Variants in RFX2 observed in about 807,000 individuals in gnomAD.
RFX2 encodes DNA-binding protein RFX2.
Under a neutral mutation model 87.8 loss-of-function variants are expected in RFX2, and 20 were observed. The observed-to-expected ratio is 0.23, with a 90% confidence interval of 0.16 to 0.33. The LOEUF (loss-of-function observed/expected upper bound fraction) is 0.33. Ranked by LOEUF, RFX2 falls within the 10% of genes least tolerant of loss-of-function variation. The pLI is 1.00. For missense variants in RFX2, 767 were observed against 1,012.3 expected (o/e 0.76, Z 3.29); for synonymous variants, 397 against 431.3 (o/e 0.92, Z 0.98).
chr19:6,061,598 A>T lies in RFX2; in HGVS notation c.-8-14094T>A, dbSNP rs1437821315. On this transcript the variant is annotated intron_variant, in intron 1 of 17. Coordinates refer to ENST00000303657, the MANE Select transcript of RFX2 (RefSeq NM_000635.4). This position sits in a 1 kb window ranked among gnomAD's most constrained non-coding sequence, Gnocchi z 5.2. ...TTCCTACTCCCGGCCCCGCCTCTGG[A>T]TCTTACTGGGGAGTCGGCTGCAGCC... 6.6e-6 allele frequency among the ~76,000 whole-genome samples: 1 copy of T among 152,180 alleles called. No homozygotes were observed. Among genetic ancestry groups the T allele is most frequent in the Non-Finnish European group, 1.5e-5 (1 of 68,020 alleles).
Position 6,044,896 on chromosome 19 carries a change from C to T in RFX2, c.91-614G>A, listed in dbSNP as rs1007539495. On this transcript the variant is annotated intron_variant, in intron 2 of 17. Coordinates refer to ENST00000303657, the MANE Select transcript of RFX2 (RefSeq NM_000635.4). This position sits in a 1 kb window ranked among gnomAD's most constrained non-coding sequence, Gnocchi z 5.3. ...CTCGCTCTCTGACCCCACTGCTCTC[C>T]AGCCTCCTAAGTCAAATCTGCACAG... 2.6e-5 allele frequency among the ~76,000 whole-genome samples: 4 copies of T among 152,242 alleles called. No homozygotes were observed. Among genetic ancestry groups the T allele is most frequent in the African/African-American group, 9.7e-5 (4 of 41,448 alleles).
chr19:6,073,015 T>C, intron 1 of RFX2: 1 of 529,230 alleles, frequency 1.9e-6, no homozygotes, highest in Non-Finnish European at 3.4e-6. Flanking sequence ...AGTCTCACTC[T>C]GTTGTGCAGG....
At chr19:6,097,934 A>G (rs2088053396) in intron 1 of RFX2, among the ~76,000 whole-genome samples, 1 of 152,122 alleles carries the variant, frequency 6.6e-6, no homozygotes, top group Non-Finnish European at 1.5e-5. Flanking sequence ...CTACTTTTAA[A>G]GTCTGGCTAC....
intron 1 of RFX2, among the ~76,000 whole-genome samples, chr19:6,100,946 A>C (rs1329651680): frequency 1.3e-5 from 2 of 151,594 alleles, no homozygotes; most frequent in Non-Finnish European, 2.9e-5. Context: ...GTCATTTTAA[A>C]GGTCTGCAGT....
At position 6,004,971 on chromosome 19, in the gene RFX2, G is replaced by A. The variant is rs542401862; in HGVS notation, c.1403-673C>T. On this transcript the variant is annotated intron_variant, in intron 12 of 17. Coordinates refer to ENST00000303657, the MANE Select transcript of RFX2 (RefSeq NM_000635.4). The surrounding 1 kb of genome is among the most constrained non-coding windows in gnomAD (Gnocchi z 4.8). ...CTATCTCTACTAAAAATACAAAAATGATCTGGACGTGGCGGTGGGTGCCTG... is the reference window on the plus strand; with the variant it reads ...CTATCTCTACTAAAAATACAAAAATAATCTGGACGTGGCGGTGGGTGCCTG... Among the ~76,000 whole-genome samples the A allele has an allele frequency of 6.6e-6, 1 of 151,994 alleles. No individual in the cohort carries two copies. The highest frequency in any genetic ancestry group is 2.1e-4 in the South Asian group (1 of 4,816).
chr19:6,073,273 C>A lies in RFX2; in HGVS notation c.-8-25769G>T, dbSNP rs930483613. On this transcript the variant is annotated intron_variant, in intron 1 of 17. Coordinates refer to ENST00000303657, the MANE Select transcript of RFX2 (RefSeq NM_000635.4). The stretch of plus-strand genomic sequence containing the variant: ...GGGATTACAGACATGAGCCACCGCG[C>A]CTGCAAGGGCCAGATCTTGATGCCC... The A allele has an allele frequency of 8.4e-6, 7 of 831,676 alleles. No individual in the cohort carries two copies. In the African/African-American group the frequency reaches 1.0e-4, roughly 12 times the overall value. 51.5% of individuals were successfully genotyped at this position (831,676 alleles called of 1,614,324 possible).
Position 6,063,242 on chromosome 19 carries a change from A to G in RFX2, c.-8-15738T>C, listed in dbSNP as rs1239757077. On this transcript the variant is annotated intron_variant, in intron 1 of 17. Transcript: ENST00000303657. This position sits in a 1 kb window ranked among gnomAD's most constrained non-coding sequence, Gnocchi z 4.0. ...AACCCCCAAGGACCCTCTGATTCCA[A>G]CGGAATTGGAGCCTACGCCTGCCAG... Among the ~76,000 whole-genome samples the G allele has an allele frequency of 6.6e-6, 1 of 152,146 alleles. No individual in the cohort carries two copies. Among genetic ancestry groups the G allele is most frequent in the African/African-American group, 2.4e-5 (1 of 41,418 alleles).
intron 1 of RFX2, among the ~76,000 whole-genome samples, chr19:6,097,165 C>T (rs1404752599): frequency 6.6e-6 from 1 of 152,140 alleles, no homozygotes; most frequent in Non-Finnish European, 1.5e-5. Context: ...TAGCCTTCAA[C>T]ACTGGGCAAC....
Position 6,044,251 on chromosome 19 carries a change from G to T in RFX2, c.122C>A (p.Pro41His). ...GATCGGCTGCATCTGGGCCCCTTTG[G>T]GATTGGAGCTGGCTGCCTGGACCAA... Reference protein sequence around the residue: ...RVLVQAASSNPKGAQMQPISL... With the variant: ...RVLVQAASSNHKGAQMQPISL... Residue 41 changes from proline to histidine, a missense_variant, in exon 3 of 18, where the codon CCC becomes CAC. Pro to His is a moderately conservative substitution (Grantham distance 77). Around this residue, in one of 2 missense-constraint regions of RFX2, gnomAD observed 146 missense variants for 139.2 expected, o/e 1.05. Transcript: ENST00000303657. The surrounding 1 kb of genome is among the most constrained non-coding windows in gnomAD (Gnocchi z 5.3). 1.3e-6 allele frequency: 2 copies of T among 1,575,630 alleles called. No individual in the cohort carries two copies. Among genetic ancestry groups the T allele is most frequent in the Non-Finnish European group, 1.7e-6 (2 of 1,161,256 alleles).
intron 5 of RFX2, among the ~76,000 whole-genome samples, chr19:6,037,974 CAACTT>C (rs1162141057): frequency 6.6e-6 from 1 of 152,114 alleles, no homozygotes; most frequent in East Asian, 1.9e-4. Context: ...AAATGAACCT[CAACTT>C]AAACCTTACA....
At chr19:6,025,182 G>A (rs1252780851) in intron 6 of RFX2, among the ~76,000 whole-genome samples, 1 of 152,182 alleles carries the variant, frequency 6.6e-6, no homozygotes, top group Non-Finnish European at 1.5e-5. Context: ...TGAAAGCGAT[G>A]AGTCTGAGGG....
At chr19:6,058,530 C>A (rs1275223966) in intron 1 of RFX2, among the ~76,000 whole-genome samples, 1 of 151,810 alleles carries the variant, frequency 6.6e-6, no homozygotes, top group Non-Finnish European at 1.5e-5. Context: ...GGCTTCAATG[C>A]ACACCAAGGG....
rs1022315969 is a variant in RFX2, at chr19:6,020,517, T to C, written c.598-4246A>G. 6.6e-6 allele frequency among the ~76,000 whole-genome samples: 1 copy of C among 152,222 alleles called. No homozygotes were observed. The highest frequency in any genetic ancestry group is 1.5e-5 in the Non-Finnish European group (1 of 68,054). ...TGGCTTGCAGACTCTGTTCAGGGTC[T>C]ACGCCTCACCAGCAGGCTGGGAGCC... On this transcript the variant is annotated intron_variant, in intron 6 of 17. Transcript: ENST00000303657. This position sits in a 1 kb window ranked among gnomAD's most constrained non-coding sequence, Gnocchi z 5.3.
chr19:6,054,878 A>G (rs2087312644), intron 1 of RFX2, among the ~76,000 whole-genome samples: 1 of 152,196 alleles, frequency 6.6e-6, no homozygotes, highest in Non-Finnish European at 1.5e-5. Flanking sequence ...AAAATTTAAA[A>G]CCTCTGCTCA....
At chr19:6,065,521 C>T (rs2144818502) in intron 1 of RFX2, among the ~76,000 whole-genome samples, 1 of 152,208 alleles carries the variant, frequency 6.6e-6, no homozygotes, top group African/African-American at 2.4e-5. Flanking sequence ...GTGGCGGGCG[C>T]CTGTAGTCCC....
chr19:6,041,606 CT>C (rs11363444), intron 4 of RFX2, among the ~76,000 whole-genome samples: 18,715 of 140,300 alleles, frequency 0.13, 3,588 homozygotes, highest in African/African-American at 0.43. Context: ...TAGGATTAGC[CT>C]TTTTTTTTTT....
At position 6,017,437 on chromosome 19, in the gene RFX2, G is replaced by A. The variant is rs1289838398; in HGVS notation, c.598-1166C>T. 6.6e-6 allele frequency among the ~76,000 whole-genome samples: 1 copy of A among 152,170 alleles called. No individual in the cohort carries two copies. Among genetic ancestry groups the A allele is most frequent in the African/African-American group, 2.4e-5 (1 of 41,428 alleles). The stretch of plus-strand genomic sequence containing the variant: ...GCCTTAAAGACTGCGGCTTAATTCT[G>A]GTTTCCACCTCTCCCTCTGCTATCG... On this transcript the variant is annotated intron_variant, in intron 6 of 17. Coordinates refer to ENST00000303657, the MANE Select transcript of RFX2 (RefSeq NM_000635.4). The surrounding 1 kb of genome is among the most constrained non-coding windows in gnomAD (Gnocchi z 4.1).
At position 6,101,616 on chromosome 19, in the gene RFX2, T is replaced by C. The variant is rs1667047293; in HGVS notation, c.-9+8777A>G. ...GCTTTAGGAATGGACTTCTATATCATTGGTATAATTTCAACAGTTTTCCAG... is the reference window on the plus strand; with the variant it reads ...GCTTTAGGAATGGACTTCTATATCACTGGTATAATTTCAACAGTTTTCCAG... On this transcript the variant is annotated intron_variant, in intron 1 of 17. Transcript: ENST00000303657. This position sits in a 1 kb window ranked among gnomAD's most constrained non-coding sequence, Gnocchi z 4.9. Among the ~76,000 whole-genome samples the C allele has an allele frequency of 6.6e-6, 1 of 152,216 alleles. No homozygotes were observed. The highest frequency in any genetic ancestry group is 2.4e-5 in the African/African-American group (1 of 41,458).
At chr19:6,092,757 C>CGAG (rs902113238) in intron 1 of RFX2, among the ~76,000 whole-genome samples, 2 of 152,096 alleles carry the variant, frequency 1.3e-5, no homozygotes, top group Non-Finnish European at 1.5e-5. Flanking sequence ...GGGGTTTGAG[C>CGAG]ACCTCCTAAG....
Sources: allele counts gnomAD v4.1 joint callset (sites outside exome capture counted in the v4.1 genomes callset), GRCh38; gene constraint gnomAD v4.1.1; regional missense constraint gnomAD v4.1.1; non-coding constraint Gnocchi (gnomAD v3.1); transcripts MANE v1.5; gene names NCBI Gene and HGNC (gene_info 2026-07-23, HGNC 2026-07-21).